LARP1: variants seen among roughly 807,000 people sequenced by gnomAD.
The protein encoded by LARP1 is la-related protein 1.
LARP1 carries 36 observed loss-of-function variants against 122.7 expected under a neutral mutation model. That is an observed-to-expected ratio of 0.29 (90% CI 0.22 to 0.39). The LOEUF is 0.39. LARP1 is among the 10% of genes least tolerant of loss of function. LARP1 has a pLI of 1.00. For synonymous variants in LARP1, 539 were observed against 528.7 expected (o/e 1.02, Z -0.27); for missense variants, 1,040 against 1,403.6 (o/e 0.74, Z 4.14).
intron 1 of LARP1, among the ~76,000 whole-genome samples, chr5:154,743,443 G>C (rs1263526778): frequency 2.0e-5 from 3 of 151,352 alleles, no homozygotes; most frequent in African/African-American, 7.3e-5. Context: ...CGAGTAGCTG[G>C]GATTACAGGT....
At chr5:154,735,194 C>A (rs1317153301) in intron 1 of LARP1, among the ~76,000 whole-genome samples, 1 of 152,100 alleles carries the variant, frequency 6.6e-6, no homozygotes, top group Non-Finnish European at 1.5e-5. Context: ...GTGGCTCATG[C>A]CTGTTATCCC....
chr5:154,751,379 G>A (rs1308236069), upstream of LARP1, among the ~76,000 whole-genome samples: 2 of 152,202 alleles, frequency 1.3e-5, no homozygotes, highest in African/African-American at 4.8e-5. Context: ...CTGGCACATA[G>A]TAGGGGCTCA....
At chr5:154,695,838 A>G (rs553505811) in intron 1 of LARP1, among the ~76,000 whole-genome samples, 13 of 151,832 alleles carry the variant, frequency 8.6e-5, no homozygotes, top group Non-Finnish European at 1.6e-4. Context: ...GTGCCGCTGC[A>G]CTCCAGCCTG....
chr5:154,702,330 C>T (rs767644307), intron 1 of LARP1, among the ~76,000 whole-genome samples: 5 of 151,934 alleles, frequency 3.3e-5, no homozygotes, highest in Non-Finnish European at 5.9e-5. Context: ...CCAAGGTGGG[C>T]GAATCACCTG....
At chr5:154,756,583 C>A in intron 1 of LARP1, 2 of 844,702 alleles carry the variant, frequency 2.4e-6, no homozygotes, top group Non-Finnish European at 2.9e-6. Context: ...CCCCGCCCGG[C>A]GCTCCCCGTT....
intron 18 of LARP1, among the ~76,000 whole-genome samples, chr5:154,813,023 A>G (rs1251077275): frequency 6.6e-6 from 1 of 152,190 alleles, no homozygotes; most frequent in Admixed American, 6.5e-5. Context: ...ACTGCCATTT[A>G]TTAAGTGTTT....
chr5:154,790,516 G>A, intron 2 of LARP1, 129 bp from the exon 3 acceptor site: 1 of 1,271,126 alleles, frequency 7.9e-7, no homozygotes, highest in South Asian at 1.2e-5. Context: ...CCCCTTCTAG[G>A]TATCCAGTGT....
At chr5:154,736,194 C>T (rs1756885863) in intron 1 of LARP1, among the ~76,000 whole-genome samples, 1 of 151,328 alleles carries the variant, frequency 6.6e-6, no homozygotes, top group Admixed American at 6.6e-5. Flanking sequence ...CCTCCCAGTT[C>T]AAGTGATTCT....
chr5:154,703,731 C>T (rs1212758771), intron 1 of LARP1, among the ~76,000 whole-genome samples: 1 of 152,114 alleles, frequency 6.6e-6, no homozygotes, highest in Non-Finnish European at 1.5e-5. Context: ...AGCAATTCTC[C>T]TGCCTTAGCC....
At chr5:154,800,522 T>G (rs949982854) in intron 10 of LARP1, among the ~76,000 whole-genome samples, 1 of 152,152 alleles carries the variant, frequency 6.6e-6, no homozygotes, top group Non-Finnish European at 1.5e-5. Context: ...AATGGCAAGG[T>G]GACCTTGGGA....
chr5:154,812,895 C>T (rs1334339045), intron 18 of LARP1, among the ~76,000 whole-genome samples: 1 of 152,094 alleles, frequency 6.6e-6, no homozygotes, highest in East Asian at 1.9e-4. Context: ...AAACTGCCCC[C>T]ATGATGCAAT....
intron 2 of LARP1, 57 bp downstream of exon 2, chr5:154,790,443 C>A: frequency 6.6e-7 from 1 of 1,525,704 alleles, no homozygotes; most frequent in South Asian, 1.1e-5. Context: ...GGCCTCTTTC[C>A]TGTTTTAGTG....
chr5:154,752,539 G>A (rs565673211), upstream of LARP1, among the ~76,000 whole-genome samples: 81 of 152,156 alleles, frequency 5.3e-4, no homozygotes, highest in Non-Finnish European at 8.8e-4. Flanking sequence ...CACTGTGCCC[G>A]GCCTTGGACT....
chr5:154,713,163 C>A (rs1755311004), intron 1 of LARP1: 1 of 1,565,420 alleles, frequency 6.4e-7, no homozygotes. Flanking sequence ...TCTTGAACCT[C>A]AGGACAGCAG....
At chr5:154,783,077 G>T (rs1756587816) in intron 1 of LARP1, among the ~76,000 whole-genome samples, 1 of 152,162 alleles carries the variant, frequency 6.6e-6, no homozygotes, top group South Asian at 2.1e-4. Flanking sequence ...TTTCCTGCCT[G>T]CCTCACCCTC....
In LARP1 at chr5:154,805,934, A is replaced by G. The variant is rs2113851316; in HGVS notation, c.2600A>G (p.Gln867Arg). The G allele has an allele frequency of 6.2e-7, 1 of 1,614,198 alleles. No individual in the cohort carries two copies. The highest frequency in any genetic ancestry group is 2.2e-5 in the East Asian group (1 of 44,878). Reference protein sequence around the residue: ...PTVGSYGCTPQSLPKFQHPSH... With the variant: ...PTVGSYGCTPRSLPKFQHPSH... Reference sequence around the variant, plus strand: ...GTTGGCAGCTATGGCTGTACCCCTCAGTCATTGCCCAAGTTCCAGCATCCT... The same window carrying G: ...GTTGGCAGCTATGGCTGTACCCCTCGGTCATTGCCCAAGTTCCAGCATCCT... The change falls in exon 15 of 19, where the codon CAG becomes CGG. Residue 867 changes from glutamine to arginine, a missense_variant. By Grantham distance (43) the Gln-to-Arg change is conservative. This residue lies in a region of LARP1 where 59 missense variants were observed against 137.2 expected (regional missense o/e 0.43). Transcript: ENST00000518297.
At chr5:154,722,451 A>G (rs1054358718) in intron 1 of LARP1, among the ~76,000 whole-genome samples, 1 of 152,232 alleles carries the variant, frequency 6.6e-6, no homozygotes, top group Non-Finnish European at 1.5e-5. Context: ...GATAGGTTAG[A>G]GAACAGGTGT....
At chr5:154,713,667 G>T (rs749156324) in intron 1 of LARP1, among the ~76,000 whole-genome samples, 1 of 152,218 alleles carries the variant, frequency 6.6e-6, no homozygotes, top group Admixed American at 6.5e-5. Context: ...TTTGCATGGG[G>T]TTTATAAGGA....
At chr5:154,683,669 G>A (rs1753794308) in intron 1 of LARP1, among the ~76,000 whole-genome samples, 1 of 152,104 alleles carries the variant, frequency 6.6e-6, no homozygotes, top group Non-Finnish European at 1.5e-5. Flanking sequence ...TTTTACATGG[G>A]GATTAGGAAG....
Sources: allele counts gnomAD v4.1 joint callset (sites outside exome capture counted in the v4.1 genomes callset), GRCh38; gene constraint gnomAD v4.1.1; regional missense constraint gnomAD v4.1.1; transcripts MANE v1.5; gene names NCBI Gene and HGNC (gene_info 2026-07-23, HGNC 2026-07-21).